The following ATG7 variants were observed in gnomAD, a reference collection of about 807,000 sequenced individuals.
The protein encoded by ATG7 is autophagy related 7.
Under a neutral mutation model 82.4 loss-of-function variants are expected in ATG7, and 70 were observed. The ratio of observed to expected loss-of-function variants is 0.85; its 90% CI spans 0.70 to 1.04. The LOEUF is 1.04. Ranked by LOEUF, ATG7 falls within the 50% of genes least tolerant of loss-of-function variation. The pLI is 0.00. For synonymous variants in ATG7, 287 were observed against 313.0 expected (o/e 0.92, Z 0.88); for missense variants, 792 against 864.3 (o/e 0.92, Z 1.05).
intron 20 of ATG7, among the ~76,000 whole-genome samples, chr3:11,496,037 TCACAG>T (rs754138029): frequency 6.6e-6 from 1 of 152,310 alleles, no homozygotes; most frequent in Non-Finnish European, 1.5e-5. Flanking sequence ...GCTCCCTGCA[TCACAG>T]ATGAGGAGGC....
chr3:11,447,485 A>AC (rs1216247047), intron 20 of ATG7, among the ~76,000 whole-genome samples: 4 of 151,848 alleles, frequency 2.6e-5, no homozygotes, highest in Non-Finnish European at 5.9e-5. Flanking sequence ...AAAAAAAAAA[A>AC]GTAATTTATT....
chr3:11,509,848 C>A (rs180673187), intron 20 of ATG7, among the ~76,000 whole-genome samples: 31 of 152,260 alleles, frequency 2.0e-4, no homozygotes, highest in African/African-American at 6.3e-4. Flanking sequence ...AAATATCTTC[C>A]CATAAATCAG....
rs1486375511 is a variant in ATG7 at position 11,493,767 on chromosome 3, G to A, written c.2080-61044G>A. ...AGGGGAAACATGACTAAGTAGTCCTGTGAAGAAGAGGTTTTTGATGCTTGC... is the reference window on the plus strand; with the variant it reads ...AGGGGAAACATGACTAAGTAGTCCTATGAAGAAGAGGTTTTTGATGCTTGC... On this transcript the variant is annotated intron_variant, in intron 20 of 20. Transcript: ENST00000693202. Among the ~76,000 whole-genome samples, 10 of 152,316 alleles carry A rather than the reference G, an allele frequency of 6.6e-5. No individual in the cohort carries two copies. In the South Asian group the frequency reaches 2.1e-3, roughly 32 times the overall value.
At chr3:11,422,740 C>CTT (rs557755646) in intron 19 of ATG7, among the ~76,000 whole-genome samples, 2,243 of 49,512 alleles carry the variant, frequency 0.045, 534 homozygotes, top group Admixed American at 0.1. Context: ...TCATTTCTAG[C>CTT]TTTTTTTTTT....
At chr3:11,499,624 G>C in intron 20 of ATG7, among the ~76,000 whole-genome samples, 1 of 151,848 alleles carries the variant, frequency 6.6e-6, no homozygotes, top group East Asian at 1.9e-4. Context: ...GTGCACACCT[G>C]TAGTCCCACC....
At chr3:11,527,051 G>GTATATA (rs1559801106) in intron 20 of ATG7, among the ~76,000 whole-genome samples, 3 of 95,110 alleles carry the variant, frequency 3.2e-5, no homozygotes, top group African/African-American at 7.7e-5. Context: ...ATGTGTGTGT[G>GTATATA]TGTGTGTGTG....
chr3:11,532,062 T>TCCTCCTCTC (rs1387841613), intron 20 of ATG7, among the ~76,000 whole-genome samples: 1 of 152,010 alleles, frequency 6.6e-6, no homozygotes, highest in Non-Finnish European at 1.5e-5. Context: ...CTCCTCCTCT[T>TCCTCCTCTC]CCTCCTCTCC....
chr3:11,408,498 G>A (rs954413601), intron 19 of ATG7, among the ~76,000 whole-genome samples: 2 of 152,114 alleles, frequency 1.3e-5, no homozygotes, highest in East Asian at 1.9e-4. Flanking sequence ...CCTGGTACCA[G>A]ATTACTGGAT....
chr3:11,373,607 C>A (rs1234155222), intron 18 of ATG7, among the ~76,000 whole-genome samples: 1 of 152,188 alleles, frequency 6.6e-6, no homozygotes, highest in African/African-American at 2.4e-5. Context: ...ATAGACTTTG[C>A]ACACTTCTAA....
chr3:11,278,083 C>T (rs1049587320), intron 1 of ATG7, among the ~76,000 whole-genome samples: 5 of 152,082 alleles, frequency 3.3e-5, no homozygotes, highest in South Asian at 2.1e-4. Flanking sequence ...TTCCCTTGTT[C>T]CCTGAAAATC....
intron 20 of ATG7, among the ~76,000 whole-genome samples, chr3:11,549,348 A>G (rs1256644394): frequency 1.3e-5 from 2 of 152,232 alleles, no homozygotes; most frequent in East Asian, 3.8e-4. Flanking sequence ...GTGAACTCCC[A>G]TAGCATGTGG....
At chr3:11,526,767 TTGAAA>T (rs2092587757) in intron 20 of ATG7, among the ~76,000 whole-genome samples, 1 of 152,182 alleles carries the variant, frequency 6.6e-6, no homozygotes, top group South Asian at 2.1e-4. Flanking sequence ...CAAAATAATG[TTGAAA>T]TGAACTGCTT....
chr3:11,290,445 G>T, intron 3 of ATG7: 1 of 262,104 alleles, frequency 3.8e-6, no homozygotes, highest in Non-Finnish European at 7.6e-6. Context: ...GTATTTATCA[G>T]TTTTCTTCTC....
chr3:11,575,907 G>A, the ATG7 span, among the ~76,000 whole-genome samples: 53 of 152,308 alleles, frequency 3.5e-4, no homozygotes, highest in Admixed American at 1.4e-3. Flanking sequence ...CTAGAGAGGC[G>A]GGACTCACGG....
intron 9 of ATG7, among the ~76,000 whole-genome samples, chr3:11,318,412 G>A (rs778575414): frequency 1.2e-4 from 19 of 152,178 alleles, no homozygotes; most frequent in Admixed American, 5.2e-4. Context: ...GAATTGATAC[G>A]GGTGATACTT....
intron 20 of ATG7, among the ~76,000 whole-genome samples, chr3:11,530,401 C>A (rs1018020923): frequency 1.3e-5 from 2 of 152,076 alleles, no homozygotes; most frequent in African/African-American, 2.4e-5. Flanking sequence ...ATGACCTGAG[C>A]TTGGGTACAG....
At chr3:11,363,073 G>A in intron 17 of ATG7, 145 bp downstream of exon 17, 1 of 706,532 alleles carries the variant, frequency 1.4e-6, no homozygotes, top group South Asian at 1.9e-5. Flanking sequence ...GAAAAAGCAG[G>A]TCTGGTTCTT....
chr3:11,458,969 C>T (rs1185193415), intron 20 of ATG7, among the ~76,000 whole-genome samples: 5 of 152,136 alleles, frequency 3.3e-5, no homozygotes, highest in Non-Finnish European at 7.3e-5. Flanking sequence ...TTGCCCGCAG[C>T]TTATGAGATT....
At chr3:11,431,024 T>G (rs75326775) in intron 20 of ATG7, among the ~76,000 whole-genome samples, 15 of 152,382 alleles carry the variant, frequency 9.8e-5, no homozygotes, top group Non-Finnish European at 1.9e-4. Context: ...AGTAGTGTGA[T>G]GTACTTGGAG....
Sources: allele counts gnomAD v4.1 joint callset (sites outside exome capture counted in the v4.1 genomes callset), GRCh38; gene constraint gnomAD v4.1.1; transcripts MANE v1.5; gene names NCBI Gene and HGNC (gene_info 2026-07-23, HGNC 2026-07-21).